The following TAOK1 variants were observed in gnomAD, a reference collection of about 807,000 sequenced individuals.
TAOK1 encodes serine/threonine-protein kinase TAO1.
TAOK1 carries 21 observed loss-of-function variants against 138.3 expected under a neutral mutation model. The observed-to-expected ratio is 0.15, with a 90% CI of 0.11 to 0.22. The LOEUF (loss-of-function observed/expected upper bound fraction) is 0.22, where lower values mean the gene tolerates loss of function less well. Ranked by LOEUF, TAOK1 falls within the 10% of genes least tolerant of loss-of-function variation. The pLI is 1.00. For synonymous variants in TAOK1, 361 were observed against 398.4 expected, an observed-to-expected ratio of 0.91 and a Z score of 1.12; for missense variants, 651 against 1,227.7, an observed-to-expected ratio of 0.53 and a Z score of 7.02.
rs750636174 is a variant in TAOK1, at chr17:29,489,749, T to C, written c.741T>C (p.Ser247=). The change falls in exon 9 of 20, where the codon TCT becomes TCC. Residue 247 remains serine (S), a synonymous_variant. Coordinates refer to ENST00000261716, the MANE Select transcript of TAOK1 (RefSeq NM_020791.4). The stretch of plus-strand genomic sequence containing the variant: ...AAAATGAATCCCCTACACTACAGTC[T>C]AATGAATGGTGAGTATTGTTAATAT... ...IAQNESPTLQ[S]NEWSDYFRNF... 1 of 1,596,258 alleles carries C rather than the reference T, an allele frequency of 6.3e-7. No homozygotes were observed. Among genetic ancestry groups the C allele is most frequent in the Non-Finnish European group, 8.6e-7 (1 of 1,168,492 alleles).
At chr17:29,530,193 T>C (rs1286042716) in intron 17 of TAOK1, among the ~76,000 whole-genome samples, 1 of 152,186 alleles carries the variant, frequency 6.6e-6, no homozygotes, top group Non-Finnish European at 1.5e-5. Context: ...CCTAATGTTT[T>C]AAATGAGGTT....
intron 13 of TAOK1, among the ~76,000 whole-genome samples, chr17:29,504,245 C>T (rs1429613642): frequency 7.3e-6 from 1 of 137,302 alleles, no homozygotes; most frequent in Admixed American, 7.7e-5. Flanking sequence ...CCACTGCACT[C>T]CAGCCTGGGT....
intron 13 of TAOK1, among the ~76,000 whole-genome samples, chr17:29,503,648 T>A (rs75011326): frequency 0.037 from 5,632 of 152,082 alleles, 366 homozygotes; most frequent in African/African-American, 0.13. Context: ...GAAATTACAT[T>A]AAGATACCAT....
chr17:29,486,466 A>G (rs1463524503), intron 8 of TAOK1, among the ~76,000 whole-genome samples: 1 of 151,934 alleles, frequency 6.6e-6, no homozygotes, highest in Non-Finnish European at 1.5e-5. Flanking sequence ...AACCTCATCT[A>G]TACTAAAACC....
At chr17:29,488,508 G>A (rs2031224025) in intron 8 of TAOK1, among the ~76,000 whole-genome samples, 1 of 97,618 alleles carries the variant, frequency 1.0e-5, no homozygotes. Flanking sequence ...GGAGGCGGAG[G>A]TAGTGGTGAG....
chr17:29,464,443 C>CAAAAAAAAAAAAAAAAAA (rs375412745), intron 2 of TAOK1, among the ~76,000 whole-genome samples: 1 of 60,574 alleles, frequency 1.7e-5, no homozygotes, highest in Non-Finnish European at 3.3e-5. Context: ...GACTCCATCT[C>CAAAAAAAAAAAAAAAAAA]AAAAAAAAAA....
chr17:29,542,854 C>A lies in TAOK1; in HGVS notation c.2838C>A (p.His946Gln). The A allele has an allele frequency of 1.9e-6, 3 of 1,614,104 alleles. No individual in the cohort carries two copies. The highest frequency in any genetic ancestry group is 1.1e-5 in the South Asian group (1 of 91,084). Residue 946 changes from histidine (H) to glutamine (Q), a missense_variant, in exon 20 of 20, where the codon CAC (histidine) becomes CAA (glutamine). Physicochemically the swap from His to Gln is conservative, Grantham distance 24 (BLOSUM62 0). Transcript: ENST00000261716. ...AAGGTGGACCCCAGCCATGGGGTCACCCTTCAGGGCCAATGCAAGGGGTAC... is the reference window on the plus strand; with the variant it reads ...AAGGTGGACCCCAGCCATGGGGTCAACCTTCAGGGCCAATGCAAGGGGTAC... ...PMQGGPQPWG[H>Q]PSGPMQGVPR...
intron 15 of TAOK1, chr17:29,511,296 C>T (rs528640175): frequency 1.8e-4 from 28 of 155,372 alleles, no homozygotes; most frequent in African/African-American, 5.3e-4. Context: ...TGCAGTGGCG[C>T]GCTCTCGGCT....
chr17:29,397,664 G>GAACATGT (rs1904673728), intron 1 of TAOK1, among the ~76,000 whole-genome samples: 2 of 35,604 alleles, frequency 5.6e-5, no homozygotes, highest in Non-Finnish European at 1.1e-4. Context: ...ATTCATGTAT[G>GAACATGT]ATACATGTAT....
intron 19 of TAOK1, among the ~76,000 whole-genome samples, chr17:29,539,648 C>G (rs1451303405): frequency 6.6e-6 from 1 of 152,138 alleles, no homozygotes; most frequent in Non-Finnish European, 1.5e-5. Context: ...GTTGGTCAGG[C>G]TGGTCTCGAA....
At chr17:29,416,418 G>A (rs1203596450) in intron 1 of TAOK1, among the ~76,000 whole-genome samples, 4 of 151,856 alleles carry the variant, frequency 2.6e-5, no homozygotes, top group Non-Finnish European at 5.9e-5. Context: ...GTACCCATTA[G>A]ATTTAATGGG....
In TAOK1 at chr17:29,467,159, T is replaced by C; in HGVS notation, c.147T>C (p.Arg49=). ...TTCTTCTTTAGGCACGAGATGTGCG[T>C]ACCAATGAAGTGGTGGCCATCAAGA... The part of the protein sequence containing the change: ...FGAVYFARDV[R]TNEVVAIKKM... The change falls in exon 3 of 20, where the codon CGT becomes CGC. Residue 49 remains arginine, a synonymous_variant. Transcript: ENST00000261716. 1.2e-6 allele frequency: 2 copies of C among 1,603,188 alleles called. No homozygotes were observed. The highest frequency in any genetic ancestry group is 1.7e-6 in the Non-Finnish European group (2 of 1,173,134).
At chr17:29,521,829 G>A (rs1193079730) in intron 16 of TAOK1, among the ~76,000 whole-genome samples, 4 of 152,150 alleles carry the variant, frequency 2.6e-5, no homozygotes, top group Admixed American at 6.5e-5. Flanking sequence ...TGATCCACCC[G>A]CCTCGGCCTC....
In TAOK1 at chr17:29,491,631, C is replaced by G. The variant is rs543383249; in HGVS notation, c.750-153C>G. 2.6e-5 allele frequency among the ~76,000 whole-genome samples: 4 copies of G among 152,082 alleles called. No individual in the cohort carries two copies. The East Asian group carries it at 7.8e-4, about 29-fold the overall frequency. ...CATTCATTGGTTGCTTTAGATAGAT[C>G]TTCATAGACTTATATGAAACTGTAT... On this transcript the variant is annotated intron_variant, in intron 9 of 19. Transcript: ENST00000261716.
intron 1 of TAOK1, among the ~76,000 whole-genome samples, chr17:29,411,859 C>T (rs73274655): frequency 0.035 from 5,276 of 152,020 alleles, 281 homozygotes; most frequent in African/African-American, 0.12. Context: ...CCCTCGTGTC[C>T]CTTCTCCCTT....
At chr17:29,467,247 T>C in intron 3 of TAOK1, 31 bp downstream of exon 3, 1 of 1,395,562 alleles carries the variant, frequency 7.2e-7, no homozygotes, top group Non-Finnish European at 9.9e-7. Flanking sequence ...CTTGTTTTTT[T>C]CTTATATTTA....
In TAOK1 at chr17:29,530,571, G is replaced by A; in HGVS notation, c.2313G>A (p.Leu771=). 1 of 1,614,090 alleles carries A rather than the reference G, an allele frequency of 6.2e-7. No homozygotes were observed. Among genetic ancestry groups the A allele is most frequent in the Non-Finnish European group, 8.5e-7 (1 of 1,180,032 alleles). Residue 771 remains leucine (L), a synonymous_variant, in exon 18 of 20, where the codon TTG becomes TTA. Transcript: ENST00000261716. ...AACAGACCCGGAAATTAGCTATCTT[G>A]GCTGAGCAGTATGATCACAGCATTA... The part of the protein sequence containing the change: ...KEEQTRKLAI[L]AEQYDHSINE...
At chr17:29,428,896 G>A (rs1019539880) in intron 1 of TAOK1, among the ~76,000 whole-genome samples, 1 of 151,886 alleles carries the variant, frequency 6.6e-6, no homozygotes, top group Non-Finnish European at 1.5e-5. Flanking sequence ...ACCTCCCAGA[G>A]TGCTGGGATT....
Position 29,549,178 on chromosome 17 carries a change from T to C in TAOK1, c.*6156T>C, listed in dbSNP as rs116361885. 1.3e-3 allele frequency: 205 copies of C among 152,296 alleles called. No individual in the cohort carries two copies. The highest frequency in any genetic ancestry group is 4.2e-3 in the African/African-American group (173 of 41,570). The allele number at this position is 152,296 out of a possible 1,614,324, so 9.4% of individuals were successfully genotyped here. On this transcript the variant is annotated 3_prime_UTR_variant, in exon 20 of 20. Coordinates refer to ENST00000261716, the MANE Select transcript of TAOK1 (RefSeq NM_020791.4). ...GCACATTGATCCCATTTCTGGAACATTTTTCCTATTTCCAGAGTTACATAT... is the reference window on the plus strand; with the variant it reads ...GCACATTGATCCCATTTCTGGAACACTTTTCCTATTTCCAGAGTTACATAT...
Sources: allele counts gnomAD v4.1 joint callset (sites outside exome capture counted in the v4.1 genomes callset), GRCh38; gene constraint gnomAD v4.1.1; transcripts MANE v1.5; gene names NCBI Gene and HGNC (gene_info 2026-07-23, HGNC 2026-07-21).